The following RBFOX1 variants were observed in gnomAD, a reference collection of about 807,000 sequenced individuals.
RBFOX1 encodes the protein RNA binding protein fox-1 homolog 1.
A neutral mutation model predicts 57.7 loss-of-function variants in RBFOX1; 8 were observed. The observed-to-expected ratio is 0.14, with a 90% CI of 0.08 to 0.25. RBFOX1 has a LOEUF of 0.25. Among genes scored for constraint, RBFOX1 ranks in the 10% least tolerant of loss-of-function variants. The probability of loss-of-function intolerance (pLI) is 1.00; values close to 1 mark genes in which losing one functional copy is unlikely to be tolerated. For synonymous variants in RBFOX1, 326 were observed against 222.4 expected (o/e 1.47, Z -4.15); for missense variants, 611 against 548.5 (o/e 1.11, Z -1.14).
intron 4 of RBFOX1, among the ~76,000 whole-genome samples, chr16:7,501,037 A>G (rs1346403008): frequency 6.6e-6 from 1 of 152,150 alleles, no homozygotes; most frequent in Non-Finnish European, 1.5e-5. Flanking sequence ...CATGATTGTA[A>G]GTTTCCTGAG....
At chr16:7,517,151 G>GTC (rs200829887) in intron 4 of RBFOX1, among the ~76,000 whole-genome samples, 123 of 146,150 alleles carry the variant, frequency 8.4e-4, no homozygotes, top group African/African-American at 1.6e-3. Context: ...GTGTGTGTGT[G>GTC]TGTGTGTGTG....
chr16:5,442,302 A>C (rs1223779987), intron 1 of RBFOX1, among the ~76,000 whole-genome samples: 1 of 152,328 alleles, frequency 6.6e-6, no homozygotes, highest in East Asian at 1.9e-4. Context: ...CAGCCCATTC[A>C]TGCGGAGCTG....
At chr16:7,025,301 C>T (rs1381393185) in intron 3 of RBFOX1, among the ~76,000 whole-genome samples, 1 of 152,100 alleles carries the variant, frequency 6.6e-6, no homozygotes, top group Non-Finnish European at 1.5e-5. Flanking sequence ...GTGAGTATAG[C>T]AGTGAGGACG....
At chr16:6,014,092 C>A (rs903120895), upstream of RBFOX1, among the ~76,000 whole-genome samples, 2 of 151,850 alleles carry the variant, frequency 1.3e-5, no homozygotes, top group African/African-American at 4.8e-5. Context: ...TGCACATGTA[C>A]CCTAAAACTT....
intron 3 of RBFOX1, among the ~76,000 whole-genome samples, chr16:6,908,165 C>G (rs1005334120): frequency 9.9e-5 from 15 of 151,772 alleles, no homozygotes; most frequent in Admixed American, 5.9e-4. Context: ...ATCTACTTCT[C>G]TGCATCCCTA....
At chr16:7,373,265 A>G (rs748822002) in intron 4 of RBFOX1, among the ~76,000 whole-genome samples, 5 of 152,102 alleles carry the variant, frequency 3.3e-5, no homozygotes, top group Admixed American at 6.5e-5. Flanking sequence ...TAAAACAACA[A>G]TTAGTTTTGC....
chr16:7,674,615 C>CGTCTT (rs953669045), intron 13 of RBFOX1, among the ~76,000 whole-genome samples: 1 of 152,146 alleles, frequency 6.6e-6, no homozygotes, highest in Non-Finnish European at 1.5e-5. Flanking sequence ...GACTTGTGCC[C>CGTCTT]GTCTTGTCTG....
chr16:7,190,247 G>A (rs9929134), intron 4 of RBFOX1, among the ~76,000 whole-genome samples: 1 of 151,820 alleles, frequency 6.6e-6, no homozygotes, highest in African/African-American at 2.4e-5. Flanking sequence ...TAATCCCAGC[G>A]ACTCGGGAGG....
At chr16:7,476,543 G>C (rs1034044703) in intron 4 of RBFOX1, among the ~76,000 whole-genome samples, 1 of 152,226 alleles carries the variant, frequency 6.6e-6, no homozygotes, top group African/African-American at 2.4e-5. Flanking sequence ...AGGAAAACTT[G>C]AGTTGGTTTT....
intron 2 of RBFOX1, among the ~76,000 whole-genome samples, chr16:6,623,650 T>C (rs867263961): frequency 6.6e-6 from 1 of 151,706 alleles, no homozygotes; most frequent in African/African-American, 2.4e-5. Flanking sequence ...TGTGTCCATG[T>C]GTTCTCATCG....
intron 3 of RBFOX1, among the ~76,000 whole-genome samples, chr16:6,759,619 T>C (rs1408710650): frequency 1.3e-5 from 2 of 152,122 alleles, no homozygotes; most frequent in Non-Finnish European, 2.9e-5. Context: ...TTTTGTTCTT[T>C]AGCATGTAGG....
At chr16:5,851,211 G>C (rs1274092604) in intron 3 of RBFOX1, among the ~76,000 whole-genome samples, 1 of 152,180 alleles carries the variant, frequency 6.6e-6, no homozygotes, top group Non-Finnish European at 1.5e-5. Context: ...GTTGTACCTT[G>C]TATTCCACAC....
At chr16:6,701,830 C>G (rs1320548600) in intron 3 of RBFOX1, among the ~76,000 whole-genome samples, 2 of 152,120 alleles carry the variant, frequency 1.3e-5, no homozygotes, top group Non-Finnish European at 2.9e-5. Context: ...GTCCAGTATT[C>G]TAAGCAAACT....
intron 1 of RBFOX1, among the ~76,000 whole-genome samples, chr16:5,335,908 G>A (rs754551050): frequency 2.0e-5 from 3 of 152,142 alleles, no homozygotes; most frequent in Non-Finnish European, 2.9e-5. Context: ...TGCCATATAT[G>A]GATTCTGTGA....
intron 2 of RBFOX1, among the ~76,000 whole-genome samples, chr16:6,426,115 T>G (rs1015810532): frequency 1.3e-5 from 2 of 151,894 alleles, no homozygotes; most frequent in African/African-American, 4.8e-5. Context: ...TCCCTCTCAT[T>G]GTCTCTCTCT....
At chr16:6,388,082 C>T (rs913038077) in intron 2 of RBFOX1, among the ~76,000 whole-genome samples, 5 of 142,832 alleles carry the variant, frequency 3.5e-5, no homozygotes, top group East Asian at 2.1e-4. Context: ...CGGGTTCAAG[C>T]GATTCTTCTG....
intron 2 of RBFOX1, among the ~76,000 whole-genome samples, chr16:6,375,364 C>A (rs1382572542): frequency 1.3e-5 from 2 of 151,272 alleles, no homozygotes; most frequent in African/African-American, 4.9e-5. Flanking sequence ...CAAAATAATT[C>A]TATAAATGAA....
At chr16:5,931,461 G>C (rs779630362) in intron 4 of RBFOX1, among the ~76,000 whole-genome samples, 65 of 152,268 alleles carry the variant, frequency 4.3e-4, no homozygotes, top group Non-Finnish European at 1.2e-4. Flanking sequence ...TCAGGCAGGT[G>C]TTAACAGAGA....
chr16:5,743,711 A>G (rs556832265), intron 3 of RBFOX1, among the ~76,000 whole-genome samples: 44 of 152,184 alleles, frequency 2.9e-4, no homozygotes, highest in African/African-American at 1.0e-3. Flanking sequence ...GCCTTGTAAC[A>G]AATTTTATTT....
Sources: allele counts gnomAD v4.1 joint callset (sites outside exome capture counted in the v4.1 genomes callset), GRCh38; gene constraint gnomAD v4.1.1; transcripts MANE v1.5; gene names NCBI Gene and HGNC (gene_info 2026-07-23, HGNC 2026-07-21).